The following PTN variants were observed in gnomAD, a reference collection of about 807,000 sequenced individuals.
PTN encodes heparin affin regulatory protein.
A neutral mutation model predicts 24.1 loss-of-function variants in PTN; 18 were observed. The ratio of observed to expected loss-of-function variants is 0.75; its 90% confidence interval spans 0.52 to 1.11. PTN has a LOEUF of 1.11. PTN is among the 50% of genes least tolerant of loss of function. PTN has a pLI of 0.00. For missense variants in PTN, 163 were observed against 198.8 expected (o/e 0.82, Z 1.08); for synonymous variants, 78 against 68.6 (o/e 1.14, Z -0.67).
At chr7:137,255,709 C>A (rs894264447) in intron 1 of PTN, among the ~76,000 whole-genome samples, 15 of 152,126 alleles carry the variant, frequency 9.9e-5, no homozygotes, top group African/African-American at 3.4e-4. Context: ...TGATGTGAAT[C>A]AAAAATCCCA....
At chr7:137,336,749 A>G (rs771011944) in intron 1 of PTN, among the ~76,000 whole-genome samples, 19 of 152,194 alleles carry the variant, frequency 1.2e-4, no homozygotes, top group Non-Finnish European at 2.1e-4. Context: ...GAGGGGGAAG[A>G]AGTGAGGACT....
intron 1 of PTN, among the ~76,000 whole-genome samples, chr7:137,305,174 C>T (rs1809868317): frequency 6.6e-6 from 1 of 152,032 alleles, no homozygotes; most frequent in Admixed American, 6.6e-5. Flanking sequence ...AAAATCGGCA[C>T]TAAATTCAGA....
At chr7:137,340,114 A>C (rs1810510931) in intron 1 of PTN, among the ~76,000 whole-genome samples, 1 of 152,320 alleles carries the variant, frequency 6.6e-6, no homozygotes, top group East Asian at 1.9e-4. Flanking sequence ...TGGTTCAATA[A>C]ATAAAGCCTA....
At chr7:137,283,608 G>C (rs886712122) in intron 1 of PTN, among the ~76,000 whole-genome samples, 1 of 152,068 alleles carries the variant, frequency 6.6e-6, no homozygotes, top group Non-Finnish European at 1.5e-5. Context: ...AACTTCAAGT[G>C]GCCTTATAGT....
chr7:137,242,650 G>C (rs973964587), intron 4 of PTN, among the ~76,000 whole-genome samples: 3 of 152,218 alleles, frequency 2.0e-5, no homozygotes, highest in African/African-American at 7.2e-5. Context: ...AATGTTCCAA[G>C]ATGATCATTA....
chr7:137,325,719 A>C (rs1263782903), intron 1 of PTN: 1 of 152,258 alleles, frequency 6.6e-6, no homozygotes, highest in Non-Finnish European at 1.5e-5. Flanking sequence ...TAATGACTCC[A>C]TGTATGATTG....
chr7:137,247,049 CCTT>C (rs1351110218), intron 4 of PTN, among the ~76,000 whole-genome samples: 1 of 152,182 alleles, frequency 6.6e-6, no homozygotes, highest in African/African-American at 2.4e-5. Flanking sequence ...ACTTCTATCT[CCTT>C]CACATATTGA....
intron 1 of PTN, among the ~76,000 whole-genome samples, chr7:137,274,821 G>C (rs1298760385): frequency 6.6e-6 from 1 of 152,110 alleles, no homozygotes; most frequent in African/African-American, 2.4e-5. Flanking sequence ...TTATAATCAT[G>C]AAGAATTTAT....
chr7:137,328,489 AT>A (rs957525932), intron 1 of PTN, among the ~76,000 whole-genome samples: 1 of 152,158 alleles, frequency 6.6e-6, no homozygotes, highest in Non-Finnish European at 1.5e-5. Flanking sequence ...CTGTAGCAGG[AT>A]TTTTTTCCCA....
At chr7:137,235,245 T>A (rs1808498911) in intron 4 of PTN, among the ~76,000 whole-genome samples, 1 of 152,062 alleles carries the variant, frequency 6.6e-6, no homozygotes, top group Non-Finnish European at 1.5e-5. Context: ...TTAAAGTAAC[T>A]CACCTGTGCT....
chr7:137,280,871 CAAAA>C (rs545644934), intron 1 of PTN, among the ~76,000 whole-genome samples: 4 of 65,726 alleles, frequency 6.1e-5, no homozygotes, highest in Non-Finnish European at 9.7e-5. Flanking sequence ...GACTTTGTCT[CAAAA>C]AAAAAAAAAA....
At chr7:137,271,909 G>A (rs997492186) in intron 1 of PTN, among the ~76,000 whole-genome samples, 4 of 152,184 alleles carry the variant, frequency 2.6e-5, no homozygotes, top group African/African-American at 9.7e-5. Flanking sequence ...TAGAGATTAC[G>A]TATGAAAATT....
chr7:137,240,543 A>C (rs1297845835), intron 4 of PTN, among the ~76,000 whole-genome samples: 1 of 152,256 alleles, frequency 6.6e-6, no homozygotes, highest in Non-Finnish European at 1.5e-5. Context: ...AAATGTATGA[A>C]AGAAAAGAAG....
intron 1 of PTN, among the ~76,000 whole-genome samples, chr7:137,332,903 C>T (rs753720323): frequency 6.6e-6 from 1 of 152,188 alleles, no homozygotes; most frequent in African/African-American, 2.4e-5. Context: ...ATATTCACAT[C>T]AAATAAGAAA....
At chr7:137,231,041 C>A (rs757141547) in intron 4 of PTN, among the ~76,000 whole-genome samples, 7 of 151,752 alleles carry the variant, frequency 4.6e-5, no homozygotes, top group African/African-American at 1.7e-4. Flanking sequence ...GTTTGCTGAC[C>A]TCGCAGTGTG....
At chr7:137,238,566 C>A (rs1257308597) in intron 4 of PTN, among the ~76,000 whole-genome samples, 1 of 152,096 alleles carries the variant, frequency 6.6e-6, no homozygotes, top group Non-Finnish European at 1.5e-5. Context: ...TTATTAATTT[C>A]TTTTAGAATA....
chr7:137,297,929 G>A (rs1391290267), intron 1 of PTN, among the ~76,000 whole-genome samples: 1 of 151,946 alleles, frequency 6.6e-6, no homozygotes, highest in Non-Finnish European at 1.5e-5. Flanking sequence ...AATGTTTCCA[G>A]GTGTCGTTTA....
chr7:137,311,551 G>A (rs1173103184), intron 1 of PTN, among the ~76,000 whole-genome samples: 2 of 152,114 alleles, frequency 1.3e-5, no homozygotes, highest in African/African-American at 4.8e-5. Flanking sequence ...AATGAGAGAT[G>A]TTCAACTCTT....
chr7:137,231,578 C>T (rs1013407706), intron 4 of PTN, among the ~76,000 whole-genome samples: 1 of 151,926 alleles, frequency 6.6e-6, no homozygotes, highest in Non-Finnish European at 1.5e-5. Context: ...GAGACCCTAT[C>T]TGTATGTTGC....
Sources: gnomAD v4.1 joint callset for allele counts (sites outside exome capture counted in the v4.1 genomes callset) on GRCh38, gnomAD v4.1.1 for gene constraint, MANE v1.5 for transcripts, NCBI Gene and HGNC (gene_info 2026-07-23, HGNC 2026-07-21) for gene names.